Variants in DLGAP2 observed in about 807,000 individuals in gnomAD.
DLGAP2 encodes the protein DLG associated protein 2.
In DLGAP2, 26 loss-of-function variants were observed where a neutral mutation model predicts 100.3. The ratio of observed to expected loss-of-function variants is 0.26; its 90% CI spans 0.19 to 0.36. The LOEUF is 0.36. DLGAP2 is among the 10% of genes least tolerant of loss of function. The pLI, the probability that DLGAP2 is intolerant of heterozygous loss-of-function variation, is 1.00. For missense variants in DLGAP2, 1,858 were observed against 1,453.2 expected (o/e 1.28, Z -4.53); for synonymous variants, 886 against 630.1 (o/e 1.41, Z -6.08).
chr8:1,102,487 C>T (rs948173206), intron 2 of DLGAP2, among the ~76,000 whole-genome samples: 4 of 151,702 alleles, frequency 2.6e-5, no homozygotes, highest in East Asian at 1.9e-4. Flanking sequence ...AAATGAGAAA[C>T]GCACGCTATT....
In DLGAP2 at chr8:1,626,874, G is replaced by C. The variant is rs1797518248; in HGVS notation, c.1577G>C (p.Ser526Thr). 1 of 1,602,406 alleles carries C rather than the reference G, an allele frequency of 6.2e-7. No individual in the cohort carries two copies. The highest frequency in any genetic ancestry group is 1.3e-5 in the African/African-American group (1 of 74,682). The change falls in exon 7 of 15, where the codon AGC becomes ACC. Residue 526 changes from serine (S) to threonine (T), a missense_variant. Ser to Thr is a moderately conservative substitution (Grantham distance 58, BLOSUM62 1). Coordinates refer to ENST00000637795, the MANE Select transcript of DLGAP2 (RefSeq NM_001346810.2). ...GCCGTCAGCACCCTGAGCCAGGCCA[G>C]CTGCGTGAGCCAGGTCAGGGTCCCT... ...MRAVSTLSQA[S>T]CVSQVSEAEI...
intron 1 of DLGAP2, among the ~76,000 whole-genome samples, chr8:743,844 C>T (rs147564564): frequency 6.6e-6 from 1 of 152,370 alleles, no homozygotes; most frequent in Non-Finnish European, 1.5e-5. Flanking sequence ...CGATTGTGGG[C>T]ATGGGCCACT....
At chr8:1,171,137 G>A (rs1391830439) in intron 2 of DLGAP2, among the ~76,000 whole-genome samples, 1 of 152,106 alleles carries the variant, frequency 6.6e-6, no homozygotes, top group Non-Finnish European at 1.5e-5. Flanking sequence ...ATTTCGTTAT[G>A]TACCCAGTAG....
chr8:1,676,235 C>G (rs1373318940), intron 10 of DLGAP2, among the ~76,000 whole-genome samples: 2 of 152,140 alleles, frequency 1.3e-5, no homozygotes, highest in East Asian at 3.9e-4. Flanking sequence ...TAATGCAGTT[C>G]AACAACACCT....
chr8:973,432 A>G (rs1045114517), intron 2 of DLGAP2, among the ~76,000 whole-genome samples: 1 of 150,150 alleles, frequency 6.7e-6, no homozygotes, highest in Non-Finnish European at 1.5e-5. Flanking sequence ...CACCTCCCAG[A>G]CGGGGTCACG....
At chr8:1,075,057 G>T (rs998470941) in intron 2 of DLGAP2, among the ~76,000 whole-genome samples, 1 of 152,182 alleles carries the variant, frequency 6.6e-6, no homozygotes, top group African/African-American at 2.4e-5. Flanking sequence ...AGTGCAGCGG[G>T]GGGTGGGGAC....
At chr8:1,248,947 C>A (rs1254009068) in intron 2 of DLGAP2, among the ~76,000 whole-genome samples, 1 of 152,124 alleles carries the variant, frequency 6.6e-6, no homozygotes, top group Non-Finnish European at 1.5e-5. Context: ...ATGAATTTCT[C>A]AGAGAGGCTG....
chr8:1,230,756 G>A (rs58461497), intron 2 of DLGAP2, among the ~76,000 whole-genome samples: 9,859 of 152,232 alleles, frequency 0.065, 669 homozygotes, highest in African/African-American at 0.17. Flanking sequence ...AAGCAATGGG[G>A]AAAGGGCTTC....
At chr8:1,586,776 A>G (rs987011640) in intron 6 of DLGAP2, among the ~76,000 whole-genome samples, 2 of 152,144 alleles carry the variant, frequency 1.3e-5, no homozygotes, top group Non-Finnish European at 1.5e-5. Flanking sequence ...TGTTTTTATT[A>G]CTGCACAGAG....
chr8:922,797 A>C (rs1798742287), intron 2 of DLGAP2, among the ~76,000 whole-genome samples: 1 of 152,234 alleles, frequency 6.6e-6, no homozygotes, highest in South Asian at 2.1e-4. Context: ...CACATAAATC[A>C]AATTGGAGAG....
chr8:1,018,894 G>C (rs770972106), intron 2 of DLGAP2: 15 of 152,148 alleles, frequency 9.9e-5, no homozygotes, highest in South Asian at 6.2e-4. Context: ...TGACAAGCTG[G>C]TGTGGCTGAA....
intron 2 of DLGAP2, among the ~76,000 whole-genome samples, chr8:1,222,470 G>A (rs1798333895): frequency 6.6e-6 from 1 of 152,160 alleles, no homozygotes; most frequent in Non-Finnish European, 1.5e-5. Context: ...GGGCCAAGGT[G>A]TTCTCAGTCC....
intron 6 of DLGAP2, among the ~76,000 whole-genome samples, chr8:1,571,387 T>G (rs1229210205): frequency 4.6e-4 from 24 of 52,288 alleles, no homozygotes; most frequent in South Asian, 7.7e-4. Flanking sequence ...GGGTGAACTG[T>G]GGGGGCATCT....
At chr8:1,162,944 C>T (rs1796919991) in intron 2 of DLGAP2, among the ~76,000 whole-genome samples, 1 of 152,214 alleles carries the variant, frequency 6.6e-6, no homozygotes. Context: ...GGGCTGCCAT[C>T]TGGGGAGGAA....
chr8:889,387 C>G (rs1490458017), intron 1 of DLGAP2, among the ~76,000 whole-genome samples: 1 of 152,142 alleles, frequency 6.6e-6, no homozygotes, highest in Non-Finnish European at 1.5e-5. Context: ...CCTCAGAACT[C>G]CCAGGAGGAG....
chr8:839,185 A>G (rs1796936510), intron 1 of DLGAP2, among the ~76,000 whole-genome samples: 1 of 152,188 alleles, frequency 6.6e-6, no homozygotes, highest in Non-Finnish European at 1.5e-5. Context: ...AGGTTCCTAA[A>G]AAAAATAGAA....
chr8:1,617,407 G>T (rs1797191777), intron 6 of DLGAP2, among the ~76,000 whole-genome samples: 1 of 152,120 alleles, frequency 6.6e-6, no homozygotes, highest in Non-Finnish European at 1.5e-5. Flanking sequence ...CCACTTTTTA[G>T]TAATAGCCAT....
intron 2 of DLGAP2, among the ~76,000 whole-genome samples, chr8:1,218,035 A>C (rs1224713523): frequency 6.6e-6 from 1 of 152,126 alleles, no homozygotes; most frequent in African/African-American, 2.4e-5. Context: ...ATTTTCTCCC[A>C]TTCTATAAGT....
intron 14 of DLGAP2, among the ~76,000 whole-genome samples, chr8:1,697,953 C>A (rs758014328): frequency 1.3e-5 from 2 of 152,200 alleles, no homozygotes; most frequent in Admixed American, 1.3e-4. Context: ...TTTCCTCACA[C>A]GTTTTAAAGA....
Sources: gnomAD v4.1 joint callset for allele counts (sites outside exome capture counted in the v4.1 genomes callset) on GRCh38, gnomAD v4.1.1 for gene constraint, MANE v1.5 for transcripts, NCBI Gene and HGNC (gene_info 2026-07-23, HGNC 2026-07-21) for gene names.